The following SLK variants were observed in gnomAD, a reference collection of about 807,000 sequenced individuals.
SLK encodes the protein STE20 like kinase.
Under a neutral mutation model 147.7 loss-of-function variants are expected in SLK, and 67 were observed. The observed-to-expected ratio is 0.45, with a 90% CI of 0.37 to 0.56. The LOEUF (loss-of-function observed/expected upper bound fraction) is 0.56. SLK is among the 20% of genes least tolerant of loss of function. The probability of loss-of-function intolerance (pLI) is 0.00; values close to 1 mark genes in which losing one functional copy is unlikely to be tolerated. For synonymous variants in SLK, 441 were observed against 475.0 expected, an observed-to-expected ratio of 0.93 and a Z score of 0.93; for missense variants, 1,136 against 1,438.8, an observed-to-expected ratio of 0.79 and a Z score of 3.41.
chr10:103,969,330 C>T (rs971078392), intron 1 of SLK, among the ~76,000 whole-genome samples: 1 of 152,224 alleles, frequency 6.6e-6, no homozygotes, highest in Non-Finnish European at 1.5e-5. Flanking sequence ...TGCATCTTGT[C>T]AAAACCCCAG....
intron 12 of SLK, among the ~76,000 whole-genome samples, chr10:104,010,199 C>G (rs1368854471): frequency 6.6e-6 from 1 of 152,142 alleles, no homozygotes; most frequent in African/African-American, 2.4e-5. Context: ...GGGGAATATT[C>G]TAATCCTATT....
intron 1 of SLK, among the ~76,000 whole-genome samples, chr10:103,976,702 G>T (rs1193140513): frequency 6.6e-6 from 1 of 152,060 alleles, no homozygotes; most frequent in Non-Finnish European, 1.5e-5. Context: ...TCCAGCTTTG[G>T]AAGCTTTCTG....
At chr10:103,979,206 G>C (rs999600203) in intron 1 of SLK, among the ~76,000 whole-genome samples, 9 of 152,086 alleles carry the variant, frequency 5.9e-5, no homozygotes, top group Non-Finnish European at 1.2e-4. Flanking sequence ...TAGTAGAGAT[G>C]GGGTTTCGCC....
rs768972185 is a variant in SLK at position 104,003,129 on chromosome 10, A to T, written c.1951A>T (p.Met651Leu). ...EITESSSTEE[M>L]EVRSVVADTD... ...CACTGAGTCAAGTAGCACTGAAGAAATGGAGGTCAGAAGTGTGGTGGCTGA... is the reference window on the plus strand; with the variant it reads ...CACTGAGTCAAGTAGCACTGAAGAATTGGAGGTCAGAAGTGTGGTGGCTGA... Residue 651 changes from methionine (M) to leucine (L), a missense_variant, in exon 9 of 19, where the codon ATG (methionine) becomes TTG (leucine). Around this residue, in one of 6 missense-constraint regions of SLK, gnomAD observed 516 missense variants for 531.3 expected, o/e 0.97. Coordinates refer to ENST00000369755, the MANE Select transcript of SLK (RefSeq NM_014720.4). The T allele has an allele frequency of 1.2e-6, 2 of 1,614,080 alleles. No individual in the cohort carries two copies. The highest frequency in any genetic ancestry group is 2.7e-5 in the African/African-American group (2 of 74,938).
intron 1 of SLK, among the ~76,000 whole-genome samples, chr10:103,983,478 A>G (rs921272148): frequency 3.3e-5 from 5 of 152,088 alleles, no homozygotes; most frequent in Admixed American, 6.6e-5. Context: ...ACGCCCTTCT[A>G]TGCTTTGTGA....
intron 1 of SLK, among the ~76,000 whole-genome samples, chr10:103,989,261 A>G (rs1462429817): frequency 6.6e-6 from 1 of 152,196 alleles, no homozygotes; most frequent in African/African-American, 2.4e-5. Flanking sequence ...AAATAAGTAT[A>G]TGAAAAGATG....
rs140688369 is a variant in SLK at position 103,986,765 on chromosome 10, A to G, written c.151-3910A>G. Among the ~76,000 whole-genome samples, 758 of 134,546 alleles carry G rather than the reference A, an allele frequency of 5.6e-3. 3 individuals are homozygous for G. Among genetic ancestry groups the G allele is most frequent in the African/African-American group, 0.021 (726 of 34,986 alleles). 88.3% of individuals were successfully genotyped at this position (134,546 alleles called of 152,430 possible). On this transcript the variant is annotated intron_variant, in intron 1 of 18. Coordinates refer to ENST00000369755, the MANE Select transcript of SLK (RefSeq NM_014720.4). Reference sequence around the variant, plus strand: ...ACGATCTCGGCTCACTGCAACCTCTATCTCCTGGGTTCAAGCAATTCTGCT... The same window carrying G: ...ACGATCTCGGCTCACTGCAACCTCTGTCTCCTGGGTTCAAGCAATTCTGCT...
At chr10:104,008,392 T>G in intron 12 of SLK, 36 bp downstream of exon 12, 1 of 1,433,844 alleles carries the variant, frequency 7.0e-7, no homozygotes, top group African/African-American at 1.4e-5. Flanking sequence ...TACTAAAGCT[T>G]TTTTTTTAAA....
chr10:103,975,068 G>A (rs913831326), intron 1 of SLK, among the ~76,000 whole-genome samples: 5 of 151,544 alleles, frequency 3.3e-5, no homozygotes, highest in African/African-American at 1.2e-4. Context: ...CTGACTTTAA[G>A]GTGTGGGAAT....
At chr10:103,987,848 G>A (rs1844037997) in intron 1 of SLK, among the ~76,000 whole-genome samples, 1 of 152,172 alleles carries the variant, frequency 6.6e-6, no homozygotes, top group South Asian at 2.1e-4. Context: ...CCAAATGATA[G>A]AAATATGGGG....
chr10:103,991,979 GTTAA>G (rs1483066422), intron 2 of SLK, among the ~76,000 whole-genome samples: 5 of 151,704 alleles, frequency 3.3e-5, no homozygotes, highest in African/African-American at 1.2e-4. Flanking sequence ...AGACATAAAT[GTTAA>G]TTAATCAAAT....
chr10:104,023,713 T>C (rs1002814026), intron 18 of SLK, among the ~76,000 whole-genome samples: 1 of 152,232 alleles, frequency 6.6e-6, no homozygotes, highest in African/African-American at 2.4e-5. Context: ...ATTCTGTATC[T>C]GCTCTCCTTT....
At chr10:103,980,818 C>A (rs1244515870) in intron 1 of SLK, among the ~76,000 whole-genome samples, 1 of 152,042 alleles carries the variant, frequency 6.6e-6, no homozygotes, top group African/African-American at 2.4e-5. Flanking sequence ...TGAGACCCTG[C>A]TTTCAGTTTT....
Position 104,003,511 on chromosome 10 carries a change from G to A in SLK, c.2333G>A (p.Gly778Glu). The change falls in exon 9 of 19, where the codon GGA becomes GAA. Residue 778 changes from glycine to glutamate, a missense_variant. By Grantham distance (98) the Gly-to-Glu change is moderately conservative. Around this residue, in one of 6 missense-constraint regions of SLK, gnomAD observed 516 missense variants for 531.3 expected, o/e 0.97. Coordinates refer to ENST00000369755, the MANE Select transcript of SLK (RefSeq NM_014720.4). ...SSFLSKTKDS[G>E]SISLQETRRQ... is the part of the protein sequence containing the mutation. ...TTTCTAAGTAAAACTAAAGACAGTG[G>A]ATCGATATCTTTACAAGTAAGTGTA... 6.3e-7 allele frequency: 1 copy of A among 1,576,686 alleles called. No homozygotes were observed. Among genetic ancestry groups the A allele is most frequent in the South Asian group, 1.2e-5 (1 of 85,750 alleles).
intron 13 of SLK, among the ~76,000 whole-genome samples, chr10:104,012,794 G>A (rs1380824009): frequency 6.6e-6 from 1 of 152,208 alleles, no homozygotes; most frequent in African/African-American, 2.4e-5. Context: ...AAGTGAAGAG[G>A]AAGTCCTTGC....
chr10:104,017,985 T>C (rs148217575), intron 13 of SLK, among the ~76,000 whole-genome samples, 175 bp from the exon 14 acceptor site: 166 of 152,346 alleles, frequency 1.1e-3, no homozygotes, highest in African/African-American at 3.8e-3. Flanking sequence ...TTTCTTAGAC[T>C]GAATTGGGTG....
Position 104,027,994 on chromosome 10 carries a change from C to A in SLK, c.*2274C>A, listed in dbSNP as rs777916958. The A allele has an allele frequency of 6.6e-6, 1 of 152,248 alleles. No individual in the cohort carries two copies. 9.4% of individuals were successfully genotyped at this position (152,248 alleles called of 1,614,324 possible). A position where few individuals can be genotyped will look rare whatever the true frequency, so the allele number is the denominator to read the frequency against. ...GATACATATGTAGAGGTAAAGCATT[C>A]ATTTTAATACTTAAAGTTATATAAA... On this transcript the variant is annotated 3_prime_UTR_variant, in exon 19 of 19. Transcript: ENST00000369755.
In SLK at chr10:104,002,342, T is replaced by C. The variant is rs1166544325; in HGVS notation, c.1164T>C (p.Asp388=). 5.0e-6 allele frequency: 8 copies of C among 1,613,576 alleles called. No individual in the cohort carries two copies. The highest frequency in any genetic ancestry group is 6.8e-6 in the Non-Finnish European group (8 of 1,179,656). Residue 388 remains aspartate, a synonymous_variant, in exon 9 of 19, where the codon GAT becomes GAC. Coordinates refer to ENST00000369755, the MANE Select transcript of SLK (RefSeq NM_014720.4). ...TTCTTAATGAAAAACCCACCACTGA[T>C]GAACCTGAAAAGGCTGTGGAGGATA... The part of the protein sequence containing the change: ...SKILNEKPTT[D]EPEKAVEDIN...
At chr10:104,000,835 A>G (rs1844236323) in intron 7 of SLK, among the ~76,000 whole-genome samples, 1 of 152,058 alleles carries the variant, frequency 6.6e-6, no homozygotes, top group Non-Finnish European at 1.5e-5. Flanking sequence ...AGGCGGGTGG[A>G]TCACCTGAGG....
Sources: gnomAD v4.1 joint callset for allele counts (sites outside exome capture counted in the v4.1 genomes callset) on GRCh38, gnomAD v4.1.1 for gene constraint, gnomAD v4.1.1 regional missense constraint, MANE v1.5 for transcripts, NCBI Gene and HGNC (gene_info 2026-07-23, HGNC 2026-07-21) for gene names.